The following PRDM16 variants were observed in gnomAD, a reference collection of about 807,000 sequenced individuals.
The protein encoded by PRDM16 is histone-lysine N-methyltransferase PRDM16.
In PRDM16, 23 loss-of-function variants were observed where a neutral mutation model predicts 110.6. The observed-to-expected ratio is 0.21, with a 90% CI of 0.15 to 0.29. PRDM16 has a LOEUF of 0.29. Among genes scored for constraint, PRDM16 ranks in the 10% least tolerant of loss-of-function variants. The probability of loss-of-function intolerance (pLI) is 1.00; values close to 1 mark genes in which losing one functional copy is unlikely to be tolerated. For missense variants in PRDM16, 1,615 were observed against 1,794.3 expected, an observed-to-expected ratio of 0.90 and a Z score of 1.81; for synonymous variants, 799 against 781.8, an observed-to-expected ratio of 1.02 and a Z score of -0.37.
At chr1:3,153,396 G>T (rs111717338) in intron 1 of PRDM16, among the ~76,000 whole-genome samples, 3 of 152,258 alleles carry the variant, frequency 2.0e-5, no homozygotes, top group Admixed American at 1.3e-4. Context: ...CACATGGTTT[G>T]CACTGTGCTG....
intron 3 of PRDM16, among the ~76,000 whole-genome samples, chr1:3,351,909 C>T (rs938946802): frequency 6.6e-6 from 1 of 151,436 alleles, no homozygotes; most frequent in African/African-American, 2.4e-5. Flanking sequence ...GAGCTGGGGG[C>T]GGGGAGGCAC....
chr1:3,409,845 T>TGTGTATGTGCGTGTGTGTGGTGG (rs1643646639), intron 8 of PRDM16, among the ~76,000 whole-genome samples: 1 of 137,320 alleles, frequency 7.3e-6, no homozygotes, highest in African/African-American at 2.8e-5. Flanking sequence ...GTGTGTGGTG[T>TGTGTATGTGCGTGTGTGTGGTGG]GGGTGTGTGT....
In PRDM16 at chr1:3,201,688, G is replaced by A. The variant is rs2100829059; in HGVS notation, c.387+15214G>A. Among the ~76,000 whole-genome samples the A allele has an allele frequency of 6.6e-6, 1 of 152,358 alleles. No individual in the cohort carries two copies. Among genetic ancestry groups the A allele is most frequent in the South Asian group, 2.1e-4 (1 of 4,832 alleles). ...GGGACCCCAGCCACTTCCAGCACCT[G>A]CAGGGCAGGACCTCCCCGCTTGGAT... On this transcript the variant is annotated intron_variant, in intron 2 of 16. Transcript: ENST00000270722. This position sits in a 1 kb window ranked among gnomAD's most constrained non-coding sequence, Gnocchi z 4.1.
At chr1:3,394,486 A>C in intron 4 of PRDM16, 1 of 59,320 alleles carries the variant, frequency 1.7e-5, no homozygotes, top group East Asian at 2.0e-3. Flanking sequence ...TGGGGTGGAG[A>C]GGGAGGTGGT....
chr1:3,270,049 T>G (rs1640401601), intron 3 of PRDM16, among the ~76,000 whole-genome samples: 1 of 132,996 alleles, frequency 7.5e-6, no homozygotes, highest in African/African-American at 3.0e-5. Context: ...AAGAGGTGAG[T>G]CCCGGAGGAT....
chr1:3,418,890 A>G (rs1638349432), intron 12 of PRDM16, 146 bp downstream of exon 12: 1 of 660,808 alleles, frequency 1.5e-6, no homozygotes, highest in South Asian at 1.8e-5. Flanking sequence ...AATTCTGGTC[A>G]CTCTGGCCCT....
At chr1:3,330,126 A>T (rs548243010) in intron 3 of PRDM16, among the ~76,000 whole-genome samples, 4 of 152,152 alleles carry the variant, frequency 2.6e-5, no homozygotes, top group African/African-American at 9.7e-5. Flanking sequence ...CTGGTCACCC[A>T]CTTCACCTTG....
At chr1:3,118,103 A>G (rs1643007014) in intron 1 of PRDM16, among the ~76,000 whole-genome samples, 2 of 147,798 alleles carry the variant, frequency 1.4e-5, no homozygotes, top group East Asian at 2.0e-4. Flanking sequence ...GTGTACATGC[A>G]TGTGTGTGTG....
intron 1 of PRDM16, among the ~76,000 whole-genome samples, chr1:3,153,346 T>C (rs1643809555): frequency 6.6e-6 from 1 of 152,222 alleles, no homozygotes; most frequent in Admixed American, 6.5e-5. Flanking sequence ...ATGTGTGTGC[T>C]TGTGTGTGTC....
At chr1:3,211,612 G>A (rs1031345656) in intron 2 of PRDM16, among the ~76,000 whole-genome samples, 12 of 152,328 alleles carry the variant, frequency 7.9e-5, no homozygotes, top group African/African-American at 2.9e-4. Context: ...CCCCGGCCTC[G>A]TCCTTGGTCG....
At chr1:3,196,138 TG>T (rs138106840) in intron 2 of PRDM16, among the ~76,000 whole-genome samples, 3,703 of 152,218 alleles carry the variant, frequency 0.024, 152 homozygotes, top group African/African-American at 0.081. Flanking sequence ...TCTTGCCAGG[TG>T]GGAGAGGCAC....
Position 3,339,882 on chromosome 1 carries a change from G to A in PRDM16, c.439-45270G>A, listed in dbSNP as rs1325112921. 6.6e-6 allele frequency among the ~76,000 whole-genome samples: 1 copy of A among 152,228 alleles called. No individual in the cohort carries two copies. The highest frequency in any genetic ancestry group is 6.5e-5 in the Admixed American group (1 of 15,286). ...TAGGGCAGCCCAGCTCAGTCCCATAGGAAGATGCGGTTCTGTGCAGCAGCT... is the reference window on the plus strand; with the variant it reads ...TAGGGCAGCCCAGCTCAGTCCCATAAGAAGATGCGGTTCTGTGCAGCAGCT... On this transcript the variant is annotated intron_variant, in intron 3 of 16. Transcript: ENST00000270722. This position sits in a 1 kb window ranked among gnomAD's most constrained non-coding sequence, Gnocchi z 5.0.
intron 1 of PRDM16, among the ~76,000 whole-genome samples, chr1:3,183,461 G>A (rs757728850): frequency 3.3e-4 from 50 of 152,122 alleles, no homozygotes; most frequent in Non-Finnish European, 7.2e-4. Context: ...TTCTGCACAC[G>A]AATTAGCCCT....
At chr1:3,334,328 G>A (rs545975303) in intron 3 of PRDM16, among the ~76,000 whole-genome samples, 14 of 152,224 alleles carry the variant, frequency 9.2e-5, no homozygotes, top group African/African-American at 1.9e-4. Context: ...GTCCCACCAC[G>A]TCAGGGACTT....
chr1:3,262,238 A>G (rs1050847495), intron 3 of PRDM16, among the ~76,000 whole-genome samples: 1 of 152,200 alleles, frequency 6.6e-6, no homozygotes, highest in African/African-American at 2.4e-5. Flanking sequence ...TGTTTGATCC[A>G]TTAACGTGCA....
intron 3 of PRDM16, among the ~76,000 whole-genome samples, chr1:3,319,837 CAA>C (rs1641699953): frequency 6.6e-6 from 1 of 152,216 alleles, no homozygotes; most frequent in Non-Finnish European, 1.5e-5. Context: ...CCGGCTTCCC[CAA>C]AGAGTTTTGG....
chr1:3,094,637 T>C (rs1008801868), intron 1 of PRDM16, among the ~76,000 whole-genome samples: 2 of 152,240 alleles, frequency 1.3e-5, no homozygotes, highest in African/African-American at 4.8e-5. Flanking sequence ...TTCATGCTGA[T>C]GACCAGGAAT....
Position 3,433,929 on chromosome 1 carries a change from C to T in PRDM16, c.*118C>T. On this transcript the variant is annotated 3_prime_UTR_variant, in exon 17 of 17. Transcript: ENST00000270722. ...TGTGGCCACTCCTCAGCATCCTCCC[C>T]ACCCACCATGGTTCATTCCGACTTT... The T allele has an allele frequency of 9.9e-7, 1 of 1,011,108 alleles. No homozygotes were observed. Among genetic ancestry groups the T allele is most frequent in the South Asian group, 1.6e-5 (1 of 62,684 alleles). 62.6% of individuals were successfully genotyped at this position (1,011,108 alleles called of 1,614,324 possible).
rs376545829 is a variant in PRDM16, at chr1:3,425,928, G to T, written c.3110-123G>T. 4 of 1,278,032 alleles carry T rather than the reference G, an allele frequency of 3.1e-6. No homozygotes were observed. The highest frequency in any genetic ancestry group is 5.5e-4 in the Middle Eastern group (2 of 3,640). The allele number at this position is 1,278,032 out of a possible 1,614,324, so 79.2% of individuals were successfully genotyped here. On this transcript the variant is annotated intron_variant, in intron 13 of 16. Transcript: ENST00000270722. This position sits in a 1 kb window ranked among gnomAD's most constrained non-coding sequence, Gnocchi z 6.9. Reference sequence around the variant, plus strand: ...CATTAAAGAGAACCTCGTGCTCTCCGGTGTCCCTAAGAAACCTGCCTCCCT... The same window carrying T: ...CATTAAAGAGAACCTCGTGCTCTCCTGTGTCCCTAAGAAACCTGCCTCCCT...
Sources: gnomAD v4.1 joint callset for allele counts (sites outside exome capture counted in the v4.1 genomes callset) on GRCh38, gnomAD v4.1.1 for gene constraint, Gnocchi (gnomAD v3.1) non-coding constraint, MANE v1.5 for transcripts, NCBI Gene and HGNC (gene_info 2026-07-23, HGNC 2026-07-21) for gene names.